BRINP3: variants seen among roughly 807,000 people sequenced by gnomAD.
BRINP3 encodes the protein BMP/retinoic acid-inducible neural-specific protein 3.
Under a neutral mutation model 71.0 loss-of-function variants are expected in BRINP3, and 19 were observed. The observed-to-expected ratio is 0.27, with a 90% CI of 0.19 to 0.39. The LOEUF is 0.39. BRINP3 is among the 10% of genes least tolerant of loss of function. The pLI is 1.00. For missense variants in BRINP3, 959 were observed against 940.8 expected, an observed-to-expected ratio of 1.02 and a Z score of -0.25; for synonymous variants, 380 against 337.7, an observed-to-expected ratio of 1.13 and a Z score of -1.37.
intron 4 of BRINP3, among the ~76,000 whole-genome samples, chr1:190,252,774 TTTA>T (rs368050022): frequency 2.9e-4 from 43 of 150,754 alleles, no homozygotes; most frequent in East Asian, 3.9e-4. Flanking sequence ...CAGATGCTAG[TTTA>T]TTATTATTAT....
At chr1:190,248,202 T>A (rs2102801674) in intron 4 of BRINP3, among the ~76,000 whole-genome samples, 1 of 152,004 alleles carries the variant, frequency 6.6e-6, no homozygotes, top group South Asian at 2.1e-4. Context: ...GCAAACGTAA[T>A]TGCGGTTTTT....
intron 6 of BRINP3, among the ~76,000 whole-genome samples, chr1:190,163,656 T>C (rs756185890): frequency 3.9e-5 from 6 of 152,060 alleles, no homozygotes; most frequent in Non-Finnish European, 8.8e-5. Flanking sequence ...TGGAAATAAA[T>C]AGAATTAGAC....
chr1:190,198,948 T>A (rs1307546761), intron 6 of BRINP3, among the ~76,000 whole-genome samples: 1 of 152,152 alleles, frequency 6.6e-6, no homozygotes, highest in African/African-American at 2.4e-5. Context: ...GTTACCACAC[T>A]GCTAATAAAG....
chr1:190,449,124 A>ATT (rs1001485679), intron 2 of BRINP3, among the ~76,000 whole-genome samples: 2 of 152,042 alleles, frequency 1.3e-5, no homozygotes, highest in African/African-American at 4.8e-5. Context: ...CAAGAATTAT[A>ATT]TTTTAACATT....
At chr1:190,452,592 C>T (rs1476351078) in intron 2 of BRINP3, among the ~76,000 whole-genome samples, 2 of 152,190 alleles carry the variant, frequency 1.3e-5, no homozygotes, top group African/African-American at 2.4e-5. Context: ...CGCACGGTGG[C>T]TCACGCCTGT....
chr1:190,465,183 A>G (rs550505933), intron 1 of BRINP3, among the ~76,000 whole-genome samples: 84 of 152,026 alleles, frequency 5.5e-4, no homozygotes, highest in Non-Finnish European at 9.3e-4. Flanking sequence ...AGATGATCAT[A>G]TAAGAAAATA....
chr1:190,294,126 TGTTAA>T (rs1353778374), intron 2 of BRINP3, among the ~76,000 whole-genome samples: 1 of 152,190 alleles, frequency 6.6e-6, no homozygotes, highest in Non-Finnish European at 1.5e-5. Context: ...TTTCCTTTCC[TGTTAA>T]GTTATTTCCT....
intron 2 of BRINP3, among the ~76,000 whole-genome samples, chr1:190,300,566 G>T (rs575108519): frequency 1.3e-5 from 2 of 152,076 alleles, no homozygotes; most frequent in Non-Finnish European, 2.9e-5. Flanking sequence ...CTCCCAGCAC[G>T]CAGCTGGAGA....
At chr1:190,291,566 C>T (rs765136507) in intron 2 of BRINP3, among the ~76,000 whole-genome samples, 29 of 152,230 alleles carry the variant, frequency 1.9e-4, no homozygotes, top group Admixed American at 3.3e-4. Context: ...TTCAACATCA[C>T]TAATCATCAG....
intron 2 of BRINP3, among the ~76,000 whole-genome samples, chr1:190,397,398 C>G (rs915129067): frequency 6.6e-6 from 1 of 151,900 alleles, no homozygotes; most frequent in Non-Finnish European, 1.5e-5. Context: ...CCATACCTGT[C>G]TCTGCATTTC....
chr1:190,225,495 G>A (rs1041651607), intron 6 of BRINP3, among the ~76,000 whole-genome samples: 1 of 151,820 alleles, frequency 6.6e-6, no homozygotes, highest in Non-Finnish European at 1.5e-5. Flanking sequence ...AGTGGGGGCT[G>A]GGAGAAAATG....
At chr1:190,411,857 C>T (rs186533181) in intron 2 of BRINP3, among the ~76,000 whole-genome samples, 3 of 152,164 alleles carry the variant, frequency 2.0e-5, no homozygotes, top group Non-Finnish European at 4.4e-5. Context: ...ATCCTAAGAG[C>T]TTGAAAAGAT....
chr1:190,265,608 G>A (rs981803940), intron 3 of BRINP3, among the ~76,000 whole-genome samples: 9 of 150,664 alleles, frequency 6.0e-5, no homozygotes, highest in East Asian at 5.9e-4. Context: ...CAGCTACTCC[G>A]GAGGCTGTGG....
At chr1:190,337,031 A>G (rs1468996065) in intron 2 of BRINP3, among the ~76,000 whole-genome samples, 1 of 151,972 alleles carries the variant, frequency 6.6e-6, no homozygotes, top group Non-Finnish European at 1.5e-5. Flanking sequence ...TATAATACTA[A>G]ACTAACCTGA....
At chr1:190,184,411 A>G (rs1461049966) in intron 6 of BRINP3, among the ~76,000 whole-genome samples, 1 of 152,130 alleles carries the variant, frequency 6.6e-6, no homozygotes, top group Non-Finnish European at 1.5e-5. Flanking sequence ...AGCTCATTAT[A>G]CCAAAAAGAC....
intron 6 of BRINP3, among the ~76,000 whole-genome samples, chr1:190,195,131 T>C (rs1347919984): frequency 6.6e-6 from 1 of 152,104 alleles, no homozygotes; most frequent in Non-Finnish European, 1.5e-5. Context: ...GTATTTTATA[T>C]ATGCAATCAC....
chr1:190,366,649 A>T (rs2102160852), intron 2 of BRINP3, among the ~76,000 whole-genome samples: 1 of 152,274 alleles, frequency 6.6e-6, no homozygotes, highest in Non-Finnish European at 1.5e-5. Flanking sequence ...AGTTCTTTCC[A>T]CCTATGAGAC....
chr1:190,329,160 G>A (rs1231602241), intron 2 of BRINP3, among the ~76,000 whole-genome samples: 1 of 151,984 alleles, frequency 6.6e-6, no homozygotes, highest in African/African-American at 2.4e-5. Flanking sequence ...CATGATACTG[G>A]AAGTGGTAGC....
intron 7 of BRINP3, among the ~76,000 whole-genome samples, chr1:190,115,813 A>G (rs975992467): frequency 3.3e-5 from 5 of 152,140 alleles, no homozygotes; most frequent in Admixed American, 6.6e-5. Context: ...CATATAGACT[A>G]TGGTGGATGA....
Sources: gnomAD v4.1 joint callset for allele counts (sites outside exome capture counted in the v4.1 genomes callset) on GRCh38, gnomAD v4.1.1 for gene constraint, MANE v1.5 for transcripts, NCBI Gene and HGNC (gene_info 2026-07-23, HGNC 2026-07-21) for gene names.